The following ABCC3 variants were observed in gnomAD, a reference collection of about 807,000 sequenced individuals.
The protein encoded by ABCC3 is ATP binding cassette subfamily C member 3, also known as ATP-binding cassette sub-family C member 3.
ABCC3 carries 121 observed loss-of-function variants against 165.3 expected under a neutral mutation model. The ratio of observed to expected loss-of-function variants is 0.73; its 90% CI spans 0.63 to 0.85. The LOEUF is 0.85. ABCC3 is among the 40% of genes least tolerant of loss of function. ABCC3 has a pLI of 0.00. For missense variants in ABCC3, 1,869 were observed against 1,964.1 expected (o/e 0.95, Z 0.92); for synonymous variants, 733 against 810.1 (o/e 0.90, Z 1.62).
chr17:50,658,059 C>A (rs543688416), intron 4 of ABCC3, 23 bp from the exon 5 acceptor site: 1 of 1,613,894 alleles, frequency 6.2e-7, no homozygotes, highest in African/African-American at 1.3e-5. Flanking sequence ...GTGCTTCTGA[C>A]GCCCCTCCAC....
chr17:50,679,612 C>A, intron 25 of ABCC3, 186 bp from the exon 26 acceptor site: 1 of 570,076 alleles, frequency 1.8e-6, no homozygotes, highest in Non-Finnish European at 3.2e-6. Flanking sequence ...CTGTCACTGC[C>A]CAAGGGAGTC....
At chr17:50,656,667 G>A in intron 2 of ABCC3, 35 bp from the exon 3 acceptor site, 1 of 1,591,964 alleles carries the variant, frequency 6.3e-7, no homozygotes, top group Non-Finnish European at 8.5e-7. Context: ...CCTTGCCTCT[G>A]GGGATGCGGA....
intron 1 of ABCC3, among the ~76,000 whole-genome samples, chr17:50,650,403 G>A (rs1267203918): frequency 6.6e-6 from 1 of 152,118 alleles, no homozygotes; most frequent in Non-Finnish European, 1.5e-5. Flanking sequence ...CACTGCACCC[G>A]GTCGCTAACT....
chr17:50,660,397 A>T (rs546201757), intron 7 of ABCC3, among the ~76,000 whole-genome samples: 1 of 152,240 alleles, frequency 6.6e-6, no homozygotes, highest in East Asian at 1.9e-4. Context: ...CTAGGAGTTC[A>T]ATGTTTGCTC....
intron 1 of ABCC3, chr17:50,643,613 T>C (rs1359114328): frequency 2.2e-6 from 1 of 456,210 alleles, no homozygotes; most frequent in Non-Finnish European, 4.4e-6. Context: ...AGAGTGACGC[T>C]CCAGGGAAGG....
At chr17:50,647,203 A>T (rs1006733640) in intron 1 of ABCC3, among the ~76,000 whole-genome samples, 2 of 152,172 alleles carry the variant, frequency 1.3e-5, no homozygotes, top group African/African-American at 4.8e-5. Flanking sequence ...AAGCTGTGTG[A>T]CCTTGGCCAA....
chr17:50,654,227 T>C (rs1478460376), intron 1 of ABCC3, among the ~76,000 whole-genome samples: 1 of 152,250 alleles, frequency 6.6e-6, no homozygotes, highest in Non-Finnish European at 1.5e-5. Context: ...CAGATGTCTC[T>C]AGGTGGATGA....
Position 50,668,835 on chromosome 17 carries a change from C to A in ABCC3, c.1871-18C>A. The A allele has an allele frequency of 6.2e-7, 1 of 1,613,226 alleles. No homozygotes were observed. The highest frequency in any genetic ancestry group is 8.5e-7 in the Non-Finnish European group (1 of 1,179,446). ...CCTTGAGCTCCCTCCCTGACCCTGCCCACCTTGGTCCTCTCAGGCTATGCC... is the reference window on the plus strand; with the variant it reads ...CCTTGAGCTCCCTCCCTGACCCTGCACACCTTGGTCCTCTCAGGCTATGCC... On this transcript the variant is annotated intron_variant, in intron 14 of 30. Transcript: ENST00000285238.
Position 50,658,171 on chromosome 17 carries a change from G to T in ABCC3, c.576G>T (p.Glu192Asp). Reference protein sequence around the residue: ...LSALILACFREKPPFFSAKNV... With the variant: ...LSALILACFRDKPPFFSAKNV... ...CCCTCATCTTGGCCTGCTTCAGGGA[G>T]AAACCTCCATTTTTCTCCGCAAAGA... Residue 192 changes from glutamate to aspartate, a missense_variant, in exon 5 of 31, where the codon GAG becomes GAT. Physicochemically the swap from Glu to Asp is conservative, Grantham distance 45. Transcript: ENST00000285238. 3 of 1,614,210 alleles carry T rather than the reference G, an allele frequency of 1.9e-6. No individual in the cohort carries two copies. The highest frequency in any genetic ancestry group is 2.5e-6 in the Non-Finnish European group (3 of 1,180,030).
intron 7 of ABCC3, among the ~76,000 whole-genome samples, chr17:50,659,999 A>G (rs1337023187): frequency 6.6e-6 from 1 of 152,102 alleles, no homozygotes; most frequent in Non-Finnish European, 1.5e-5. Flanking sequence ...AACAACAAAA[A>G]CAGATGGAGA....
At chr17:50,677,722 A>G in intron 23 of ABCC3, 22 bp from the exon 24 acceptor site, 4 of 1,609,120 alleles carry the variant, frequency 2.5e-6, no homozygotes, top group Non-Finnish European at 3.4e-6. Context: ...CCCTGACCCC[A>G]AACTCCTTCT....
intron 24 of ABCC3, 53 bp downstream of exon 24, chr17:50,677,996 C>G: frequency 6.2e-7 from 1 of 1,614,014 alleles, no homozygotes; most frequent in Non-Finnish European, 8.5e-7. Context: ...CCAGCAGGCT[C>G]TCTGGTGTTC....
rs758271515 is a variant in ABCC3 at position 50,657,203 on chromosome 17, G to A, written c.486+20G>A. 1 of 1,611,394 alleles carries A rather than the reference G, an allele frequency of 6.2e-7. No individual in the cohort carries two copies. Among genetic ancestry groups the A allele is most frequent in the Non-Finnish European group, 8.5e-7 (1 of 1,178,572 alleles). On this transcript the variant is annotated intron_variant, in intron 4 of 30. Transcript: ENST00000285238. ...GCAGAGGTAAGGTTGGGGGAGAGGG[G>A]AACCTGCCAGGTTTAGCCCTGATAG...
At chr17:50,673,348 CA>C in intron 18 of ABCC3, 120 bp from the exon 19 acceptor site, 1 of 1,337,352 alleles carries the variant, frequency 7.5e-7, no homozygotes, top group Non-Finnish European at 1.0e-6. Flanking sequence ...GTGAGTCACC[CA>C]TGTGCCTGTC....
intron 1 of ABCC3, among the ~76,000 whole-genome samples, chr17:50,648,890 G>A (rs537759457): frequency 5.2e-4 from 79 of 152,218 alleles, no homozygotes; most frequent in African/African-American, 1.8e-3. Context: ...CGAGGCAGGC[G>A]GATCACTTGA....
At chr17:50,689,039 C>G (rs1327879558) in intron 30 of ABCC3, among the ~76,000 whole-genome samples, 1 of 152,082 alleles carries the variant, frequency 6.6e-6, no homozygotes, top group East Asian at 1.9e-4. Flanking sequence ...CCTGTCTCTA[C>G]TAAAAATACA....
intron 23 of ABCC3, among the ~76,000 whole-genome samples, chr17:50,677,387 T>C (rs1163093063): frequency 3.3e-5 from 5 of 152,226 alleles, no homozygotes; most frequent in Non-Finnish European, 4.4e-5. Context: ...CGGGGATAGA[T>C]GCTCAACACC....
intron 1 of ABCC3, among the ~76,000 whole-genome samples, chr17:50,649,830 G>A (rs577589468): frequency 5.9e-5 from 9 of 152,296 alleles, no homozygotes; most frequent in South Asian, 4.1e-4. Context: ...AACAATAGCC[G>A]TTCATTAAAT....
In ABCC3 at chr17:50,686,529, G is replaced by A. The variant is rs142831074; in HGVS notation, c.4281-1007G>A. On this transcript the variant is annotated intron_variant, in intron 29 of 30. Coordinates refer to ENST00000285238, the MANE Select transcript of ABCC3 (RefSeq NM_003786.4). The stretch of plus-strand genomic sequence containing the variant: ...GCTCTCACTTACATAACCACGTGGG[G>A]GTGGCTGGCGGACAAACATGGTCTC... Among the ~76,000 whole-genome samples the A allele has an allele frequency of 6.4e-3, 981 of 152,156 alleles. 9 individuals carry two copies. Among genetic ancestry groups the A allele is most frequent in the African/African-American group, 0.023 (951 of 41,498 alleles).
Sources: allele counts gnomAD v4.1 joint callset (sites outside exome capture counted in the v4.1 genomes callset), GRCh38; gene constraint gnomAD v4.1.1; transcripts MANE v1.5; gene names NCBI Gene and HGNC (gene_info 2026-07-23, HGNC 2026-07-21).